The following TNIK variants were observed in gnomAD, a reference collection of about 807,000 sequenced individuals.
TNIK encodes TRAF2 and NCK-interacting protein kinase.
Under a neutral mutation model 191.3 loss-of-function variants are expected in TNIK, and 49 were observed. That is an observed-to-expected ratio of 0.26 (90% confidence interval 0.20 to 0.32). The LOEUF (loss-of-function observed/expected upper bound fraction) is 0.32, where lower values mean the gene tolerates loss of function less well. TNIK is among the 10% of genes least tolerant of loss of function. The pLI is 1.00. For missense variants in TNIK, 1,155 were observed against 1,702.3 expected, an observed-to-expected ratio of 0.68 and a Z score of 5.66; for synonymous variants, 594 against 600.9, an observed-to-expected ratio of 0.99 and a Z score of 0.17.
At chr3:171,067,977 C>T (rs543228576) in intron 30 of TNIK, among the ~76,000 whole-genome samples, 33 of 152,230 alleles carry the variant, frequency 2.2e-4, no homozygotes, top group African/African-American at 7.5e-4. Flanking sequence ...TTAGTTATTG[C>T]GTTTCATTAG....
chr3:171,108,123 T>C lies in TNIK; in HGVS notation c.2324A>G (p.Glu775Gly), dbSNP rs1344987495. Residue 775 changes from glutamate (E) to glycine (G), a missense_variant, in exon 20 of 33, where the codon GAG becomes GGG. This residue lies in a region of TNIK where 735 missense variants were observed against 848.0 expected (regional missense o/e 0.87). Transcript: ENST00000436636. The part of the protein sequence containing the change: ...KSEGSPVLPH[E>G]PAKVKPEESR... ...TTCTTCTGGTTTCACCTTCGCAGGC[T>C]CATGGGGGAGCACAGGTGATCCTTC... 1.9e-6 allele frequency: 3 copies of C among 1,577,066 alleles called. No homozygotes were observed. The highest frequency in any genetic ancestry group is 2.6e-6 in the Non-Finnish European group (3 of 1,160,360).
At position 171,220,833 on chromosome 3, in the gene TNIK, T is replaced by G. The variant is rs58956639; in HGVS notation, c.180+7332A>C. 4.4e-3 allele frequency among the ~76,000 whole-genome samples: 676 copies of G among 152,334 alleles called. 7 individuals are homozygous for G. The highest frequency in any genetic ancestry group is 0.016 in the African/African-American group (646 of 41,576). On this transcript the variant is annotated intron_variant, in intron 3 of 32. Transcript: ENST00000436636. ...TTTTAAAAACTATTGCTCACCTTTA[T>G]TAGTTTGGAGGTATAGACAGTAGCC...
intron 2 of TNIK, among the ~76,000 whole-genome samples, chr3:171,280,742 T>C (rs1750336048): frequency 6.6e-6 from 1 of 152,184 alleles, no homozygotes; most frequent in South Asian, 2.1e-4. Flanking sequence ...AAAGACAATG[T>C]TGATATATAA....
chr3:171,438,234 T>G (rs1204773577), intron 1 of TNIK, among the ~76,000 whole-genome samples: 2 of 152,022 alleles, frequency 1.3e-5, no homozygotes, highest in Non-Finnish European at 1.5e-5. Flanking sequence ...TTCTTCCCCT[T>G]GCATAGCACC....
At chr3:171,349,057 G>A (rs577825464) in intron 2 of TNIK, among the ~76,000 whole-genome samples, 2 of 151,072 alleles carry the variant, frequency 1.3e-5, no homozygotes, top group Non-Finnish European at 2.9e-5. Context: ...ATTGCTGAAT[G>A]GCTGAAAACT....
intron 1 of TNIK, among the ~76,000 whole-genome samples, chr3:171,421,470 A>G (rs1219001159): frequency 6.6e-6 from 1 of 152,186 alleles, no homozygotes; most frequent in African/African-American, 2.4e-5. Flanking sequence ...CTGTGATCCA[A>G]CTTGGATACA....
intron 1 of TNIK, among the ~76,000 whole-genome samples, chr3:171,440,084 T>C (rs75470098): frequency 0.011 from 1,614 of 152,284 alleles, 8 homozygotes; most frequent in Non-Finnish European, 0.018. Context: ...GCCAAGACCA[T>C]GCTAGGCTGG....
chr3:171,262,637 G>A (rs1265479042), intron 2 of TNIK, among the ~76,000 whole-genome samples: 1 of 152,174 alleles, frequency 6.6e-6, no homozygotes, highest in East Asian at 1.9e-4. Flanking sequence ...ACTGTGGAAA[G>A]CAGTTGTATT....
At chr3:171,255,538 A>C (rs188385539) in intron 2 of TNIK, among the ~76,000 whole-genome samples, 65 of 152,338 alleles carry the variant, frequency 4.3e-4, no homozygotes, top group African/African-American at 1.5e-3. Flanking sequence ...TGCAGAGGCA[A>C]ATTTCCAAAA....
intron 16 of TNIK, among the ~76,000 whole-genome samples, chr3:171,128,118 G>A (rs1405627472): frequency 6.6e-6 from 1 of 152,072 alleles, no homozygotes; most frequent in Non-Finnish European, 1.5e-5. Flanking sequence ...GAATCACTTA[G>A]AGGTCTTGTT....
At chr3:171,335,173 G>A (rs1215872851) in intron 2 of TNIK, among the ~76,000 whole-genome samples, 1 of 152,146 alleles carries the variant, frequency 6.6e-6, no homozygotes, top group Non-Finnish European at 1.5e-5. Flanking sequence ...TCTATCCCCA[G>A]GGATAAGCAC....
chr3:171,071,165 T>C, intron 29 of TNIK, 58 bp downstream of exon 29: 1 of 1,375,292 alleles, frequency 7.3e-7, no homozygotes, highest in Non-Finnish European at 9.9e-7. Flanking sequence ...ATTTTATTAA[T>C]GGGTAGAAAC....
In TNIK at chr3:171,128,961, C is replaced by T. The variant is rs866440732; in HGVS notation, c.1609-83G>A. The T allele has an allele frequency of 5.5e-6, 8 of 1,442,036 alleles. No individual in the cohort carries two copies. In the African/African-American group the frequency reaches 1.0e-4, roughly 18 times the overall value. 89.3% of individuals were successfully genotyped at this position (1,442,036 alleles called of 1,614,324 possible). ...CCTTCTAGCAAGGATTTTCTGTAGT[C>T]ACCTGCACAGCCATTTGAATCCTCT... is the stretch of plus-strand genomic sequence containing the variant. On this transcript the variant is annotated intron_variant, in intron 15 of 32. Transcript: ENST00000436636.
At chr3:171,357,252 A>T (rs567634486) in intron 2 of TNIK, among the ~76,000 whole-genome samples, 1 of 151,866 alleles carries the variant, frequency 6.6e-6, no homozygotes, top group Non-Finnish European at 1.5e-5. Context: ...AAACCTAAAC[A>T]TATCTCACTG....
intron 1 of TNIK, among the ~76,000 whole-genome samples, chr3:171,452,530 G>T (rs999711577): frequency 6.6e-6 from 1 of 152,002 alleles, no homozygotes; most frequent in African/African-American, 2.4e-5. Context: ...CTAACTCCCA[G>T]CTGTGTGCCT....
chr3:171,448,387 T>A (rs995935763), intron 1 of TNIK, among the ~76,000 whole-genome samples: 5 of 152,198 alleles, frequency 3.3e-5, no homozygotes, highest in Non-Finnish European at 7.3e-5. Context: ...TCTTCTCGTG[T>A]TTGGCTTTTT....
intron 1 of TNIK, among the ~76,000 whole-genome samples, chr3:171,418,763 G>T (rs1019606111): frequency 2.6e-5 from 4 of 152,096 alleles, no homozygotes; most frequent in African/African-American, 9.7e-5. Flanking sequence ...CCATACAATG[G>T]TATATTATTC....
rs114968673 is a variant in TNIK, at chr3:171,236,338, G to C, written c.124-8117C>G. ...AAAGAGGACCATAAGAATGGCTTAC[G>C]GTGTCCTAACTGGAGGGGAAAGCTA... On this transcript the variant is annotated intron_variant, in intron 2 of 32. Coordinates refer to ENST00000436636, the MANE Select transcript of TNIK (RefSeq NM_015028.4). Among the ~76,000 whole-genome samples the C allele has an allele frequency of 1.5e-3, 229 of 152,292 alleles. 2 individuals carry two copies. The highest frequency in any genetic ancestry group is 5.2e-3 in the African/African-American group (217 of 41,548).
intron 23 of TNIK, among the ~76,000 whole-genome samples, chr3:171,092,150 G>A (rs1722160692): frequency 1.3e-5 from 2 of 151,862 alleles, no homozygotes; most frequent in Admixed American, 6.6e-5. Flanking sequence ...GGATTTCACT[G>A]TGTTAGCCAG....
Sources: allele counts gnomAD v4.1 joint callset (sites outside exome capture counted in the v4.1 genomes callset), GRCh38; gene constraint gnomAD v4.1.1; regional missense constraint gnomAD v4.1.1; transcripts MANE v1.5; gene names NCBI Gene and HGNC (gene_info 2026-07-23, HGNC 2026-07-21).